Variants in WDR25 observed in about 807,000 individuals in gnomAD.
WDR25 encodes WD repeat-containing protein 25.
In WDR25, 35 loss-of-function variants were observed where a neutral mutation model predicts 47.7. The observed-to-expected ratio is 0.73, with a 90% CI of 0.56 to 0.97. The LOEUF is 0.97. Ranked by LOEUF, WDR25 falls within the 50% of genes least tolerant of loss-of-function variation. WDR25 has a pLI of 0.00. For synonymous variants in WDR25, 248 were observed against 278.9 expected, an observed-to-expected ratio of 0.89 and a Z score of 1.10; for missense variants, 634 against 704.7, an observed-to-expected ratio of 0.90 and a Z score of 1.14.
At position 100,404,912 on chromosome 14, in the gene WDR25, T is replaced by C. The variant is rs1897487199; in HGVS notation, c.822+23166T>C. 1.3e-5 allele frequency among the ~76,000 whole-genome samples: 2 copies of C among 152,114 alleles called. No individual in the cohort carries two copies. Among genetic ancestry groups the C allele is most frequent in the South Asian group, 4.1e-4 (2 of 4,824 alleles). On this transcript the variant is annotated intron_variant, in intron 2 of 6. Transcript: ENST00000402312. This position sits in a 1 kb window ranked among gnomAD's most constrained non-coding sequence, Gnocchi z 4.6. ...TATCATTGTCTGAACTTGGCACTGGTGTGTTTGGGCCCTTCCTCTTAACCC... is the reference window on the plus strand; with the variant it reads ...TATCATTGTCTGAACTTGGCACTGGCGTGTTTGGGCCCTTCCTCTTAACCC...
chr14:100,438,093 A>G lies in WDR25; in HGVS notation c.823-29928A>G, dbSNP rs191369886. Among the ~76,000 whole-genome samples, 38 of 152,354 alleles carry G rather than the reference A, an allele frequency of 2.5e-4. 1 individual carries two copies. The East Asian group carries it at 7.3e-3, about 29-fold the overall frequency. On this transcript the variant is annotated intron_variant, in intron 2 of 6. Coordinates refer to ENST00000402312, the MANE Select transcript of WDR25 (RefSeq NM_001161476.3). ...ACAGGAGAATATTATTATTCTCATG[A>G]TTATGTAAATATTTATCTGTTCTGG...
chr14:100,398,696 C>T (rs1361537816), intron 2 of WDR25, among the ~76,000 whole-genome samples: 4 of 146,422 alleles, frequency 2.7e-5, no homozygotes, highest in African/African-American at 5.1e-5. Flanking sequence ...GTCCTTTTTC[C>T]GTTTCAGGAT....
At chr14:100,403,214 C>T (rs577276216) in intron 2 of WDR25, among the ~76,000 whole-genome samples, 3 of 152,262 alleles carry the variant, frequency 2.0e-5, no homozygotes, top group South Asian at 4.2e-4. Flanking sequence ...AAAAATGAGT[C>T]GTGCTCCCAT....
chr14:100,412,413 A>G (rs1350062747), intron 2 of WDR25, among the ~76,000 whole-genome samples: 1 of 152,116 alleles, frequency 6.6e-6, no homozygotes, highest in East Asian at 1.9e-4. Flanking sequence ...ACGTGTCTTT[A>G]GGAGTGGTGA....
Position 100,407,326 on chromosome 14 carries a change from A to T in WDR25, c.822+25580A>T, listed in dbSNP as rs1897568422. ...CCCCCCTGTTTACTCTCAGGCTCAC[A>T]TACCTCTCAGAGTCCAGGAGGCAGT... On this transcript the variant is annotated intron_variant, in intron 2 of 6. Coordinates refer to ENST00000402312, the MANE Select transcript of WDR25 (RefSeq NM_001161476.3). This position sits in a 1 kb window ranked among gnomAD's most constrained non-coding sequence, Gnocchi z 4.1. 1 of 152,144 alleles carries T rather than the reference A, an allele frequency of 6.6e-6. No individual in the cohort carries two copies. The highest frequency in any genetic ancestry group is 2.4e-5 in the African/African-American group (1 of 41,412). 9.4% of individuals were successfully genotyped at this position (152,144 alleles called of 1,614,324 possible). A position where few individuals can be genotyped will look rare whatever the true frequency, so the allele number is the denominator to read the frequency against.
At chr14:100,505,949 C>T (rs911551912) in intron 4 of WDR25, among the ~76,000 whole-genome samples, 1 of 152,118 alleles carries the variant, frequency 6.6e-6, no homozygotes, top group African/African-American at 2.4e-5. Flanking sequence ...AGGGGATACA[C>T]GTGCAGGTTT....
intron 2 of WDR25, among the ~76,000 whole-genome samples, chr14:100,386,824 C>T (rs1319601744): frequency 6.6e-6 from 1 of 151,966 alleles, no homozygotes; most frequent in African/African-American, 2.4e-5. Flanking sequence ...ACCCAGGAGG[C>T]GGAGCTTGCA....
intron 2 of WDR25, among the ~76,000 whole-genome samples, chr14:100,444,948 G>C (rs568100656): frequency 6.6e-6 from 1 of 152,194 alleles, no homozygotes; most frequent in South Asian, 2.1e-4. Flanking sequence ...CCGTTTTCTA[G>C]CTGTTGAAAT....
Position 100,529,972 on chromosome 14 carries a change from C to A in WDR25, c.1566C>A (p.Thr522=). Residue 522 remains threonine (T), a synonymous_variant, in exon 7 of 7, where the codon ACC becomes ACA. Coordinates refer to ENST00000402312, the MANE Select transcript of WDR25 (RefSeq NM_001161476.3). The surrounding 1 kb of genome is among the most constrained non-coding windows in gnomAD (Gnocchi z 5.1). ...ACACACAGGCCTGTGTCGGCACCAC[C>A]TATCACCCCGTGCTGCCCTCCGTCC... ...QGHTQACVGT[T]YHPVLPSVLA... 6.2e-7 allele frequency: 1 copy of A among 1,613,522 alleles called. No individual in the cohort carries two copies. The highest frequency in any genetic ancestry group is 8.5e-7 in the Non-Finnish European group (1 of 1,179,988).
At position 100,413,415 on chromosome 14, in the gene WDR25, C is replaced by CT. The variant is rs563468543; in HGVS notation, c.822+31685dup. Among the ~76,000 whole-genome samples, 1,225 of 140,320 alleles carry CT rather than the reference C, an allele frequency of 8.7e-3. 24 individuals carry two copies. The highest frequency in any genetic ancestry group is 0.028 in the African/African-American group (1,066 of 37,970). 92.1% of individuals were successfully genotyped at this position (140,320 alleles called of 152,430 possible). On this transcript the variant is annotated intron_variant, in intron 2 of 6. Transcript: ENST00000402312. ...AAAGTAATTGCGGTTTTTGCCATTA[C>CT]TTTTTTTTTTTTTTTTGAGACGGAG... is the stretch of plus-strand genomic sequence containing the variant.
At chr14:100,420,909 C>T (rs998232565) in intron 2 of WDR25, among the ~76,000 whole-genome samples, 4 of 152,210 alleles carry the variant, frequency 2.6e-5, no homozygotes, top group African/African-American at 9.7e-5. Flanking sequence ...GTCCCACTGT[C>T]CTGGATGTTG....
intron 2 of WDR25, among the ~76,000 whole-genome samples, chr14:100,437,281 C>G (rs999578819): frequency 2.0e-5 from 3 of 152,194 alleles, no homozygotes; most frequent in African/African-American, 7.2e-5. Flanking sequence ...CACGGCCCAG[C>G]CTTAGCCCCA....
chr14:100,505,822 T>A (rs551071192), intron 4 of WDR25, among the ~76,000 whole-genome samples: 76 of 152,364 alleles, frequency 5.0e-4, no homozygotes, highest in Non-Finnish European at 7.9e-4. Flanking sequence ...TGTTTTTGGA[T>A]ACTAATGTGA....
chr14:100,448,622 C>T (rs1054006273), intron 2 of WDR25, among the ~76,000 whole-genome samples: 1 of 152,148 alleles, frequency 6.6e-6, no homozygotes, highest in African/African-American at 2.4e-5. Context: ...ACTCCGTCAC[C>T]TGCGTAAACA....
chr14:100,513,859 T>C (rs1203553654), intron 4 of WDR25, among the ~76,000 whole-genome samples: 1 of 152,126 alleles, frequency 6.6e-6, no homozygotes, highest in East Asian at 1.9e-4. Context: ...CTTTATTCTT[T>C]ACTCTGAAAT....
chr14:100,464,220 G>C (rs899725276), intron 2 of WDR25, among the ~76,000 whole-genome samples: 1 of 152,120 alleles, frequency 6.6e-6, no homozygotes, highest in African/African-American at 2.4e-5. Flanking sequence ...TCACTGCCTG[G>C]AAGCTTCTTC....
rs987510532 is a variant in WDR25 at position 100,430,355 on chromosome 14, A to G, written c.823-37666A>G. On this transcript the variant is annotated intron_variant, in intron 2 of 6. Coordinates refer to ENST00000402312, the MANE Select transcript of WDR25 (RefSeq NM_001161476.3). This position sits in a 1 kb window ranked among gnomAD's most constrained non-coding sequence, Gnocchi z 4.7. ...ATGGAGGAATTGTGACATTTGCCCT[A>G]GGTGATGGGGTGCTGCTACTGGGGC... Among the ~76,000 whole-genome samples, 1 of 152,118 alleles carries G rather than the reference A, an allele frequency of 6.6e-6. No homozygotes were observed. The highest frequency in any genetic ancestry group is 1.5e-5 in the Non-Finnish European group (1 of 68,020).
intron 2 of WDR25, among the ~76,000 whole-genome samples, chr14:100,444,211 C>A (rs574351193): frequency 2.0e-5 from 3 of 152,296 alleles, no homozygotes; most frequent in Admixed American, 2.0e-4. Flanking sequence ...CATTTGAACC[C>A]GTGAAAATGG....
rs1566879949 is a variant in WDR25, at chr14:100,380,937, A to G, written c.13A>G (p.Thr5Ala). 3 of 1,612,090 alleles carry G rather than the reference A, an allele frequency of 1.9e-6. No homozygotes were observed. The highest frequency in any genetic ancestry group is 1.7e-5 in the Admixed American group (1 of 59,946). ...GGTTTGGCTTTGAATGACAGCAAGAACTCTGTCTTTAATGGCTTCATTGGT... is the reference window on the plus strand; with the variant it reads ...GGTTTGGCTTTGAATGACAGCAAGAGCTCTGTCTTTAATGGCTTCATTGGT... MTAR[T>A]LSLMASLVAY... Residue 5 changes from threonine to alanine, a missense_variant, in exon 2 of 7, where the codon ACT becomes GCT. Transcript: ENST00000402312.
Sources: gnomAD v4.1 joint callset for allele counts (sites outside exome capture counted in the v4.1 genomes callset) on GRCh38, gnomAD v4.1.1 for gene constraint, Gnocchi (gnomAD v3.1) non-coding constraint, MANE v1.5 for transcripts, NCBI Gene and HGNC (gene_info 2026-07-23, HGNC 2026-07-21) for gene names.